Variants in TULP2 observed in about 807,000 individuals in gnomAD.
TULP2 encodes the protein TUB like protein 2.
Under a neutral mutation model 60.3 loss-of-function variants are expected in TULP2, and 64 were observed. The observed-to-expected ratio is 1.06, with a 90% CI of 0.87 to 1.31. The LOEUF (loss-of-function observed/expected upper bound fraction) is 1.31, where lower values mean the gene tolerates loss of function less well. Ranked by LOEUF, TULP2 falls within the 50% of genes most tolerant of loss-of-function variation. The pLI, the probability that TULP2 is intolerant of heterozygous loss-of-function variation, is 0.00. For synonymous variants in TULP2, 267 were observed against 265.4 expected, an observed-to-expected ratio of 1.01 and a Z score of -0.06; for missense variants, 652 against 667.0, an observed-to-expected ratio of 0.98 and a Z score of 0.25.
At chr19:48,881,664 G>A (rs1438819327) in intron 12 of TULP2, among the ~76,000 whole-genome samples, 4 of 151,976 alleles carry the variant, frequency 2.6e-5, no homozygotes, top group Admixed American at 6.6e-5. Flanking sequence ...TTACAGGTGT[G>A]AGCCACAGTG....
rs372786574 is a variant in TULP2, at chr19:48,888,194, T to G, written c.704A>C (p.Asn235Thr). 2 of 1,614,026 alleles carry G rather than the reference T, an allele frequency of 1.2e-6. No individual in the cohort carries two copies. The highest frequency in any genetic ancestry group is 2.7e-5 in the African/African-American group (2 of 74,922). ...TTTCAGGGCCTTGGACAACTCTTCG[T>G]TGTGTGCTGCTGAGGAGTTCGTCCC... Reference protein sequence around the residue: ...STGTNSSAAHNEELSKALKGE... With the variant: ...STGTNSSAAHTEELSKALKGE... The change falls in exon 8 of 13, where the codon AAC becomes ACC. Residue 235 changes from asparagine to threonine, a missense_variant. Transcript: ENST00000221399.
chr19:48,896,392 T>C, intron 4 of TULP2, 38 bp downstream of exon 4: 1 of 1,548,152 alleles, frequency 6.5e-7, no homozygotes, highest in Non-Finnish European at 8.7e-7. Context: ...CACAGGCCCC[T>C]CCCCTCCAGG....
At chr19:48,887,324 T>TTTTTTTTTTTTTTTTTTTTTTTTTG (rs2037189655) in intron 8 of TULP2, among the ~76,000 whole-genome samples, 1 of 98,282 alleles carries the variant, frequency 1.0e-5, no homozygotes, top group Non-Finnish European at 2.2e-5. Context: ...TTTTTTTTTT[T>TTTTTTTTTTTTTTTTTTTTTTTTTG]TTTTTTTTTT....
chr19:48,887,881 A>T, intron 8 of TULP2, 69 bp downstream of exon 8: 1 of 1,533,318 alleles, frequency 6.5e-7, no homozygotes, highest in South Asian at 1.2e-5. Flanking sequence ...GACCTAGCTC[A>T]GAAAGGAGTG....
At chr19:48,889,673 T>A (rs2037215294) in intron 6 of TULP2, 42 bp from the exon 7 acceptor site, 4 of 1,540,844 alleles carry the variant, frequency 2.6e-6, no homozygotes, top group Non-Finnish European at 3.5e-6. Flanking sequence ...TGTTACTGTG[T>A]CTGTGTAGAA....
At chr19:48,883,670 T>C (rs2037154165) in intron 11 of TULP2, 84 bp downstream of exon 11, 3 of 1,490,788 alleles carry the variant, frequency 2.0e-6, no homozygotes, top group African/African-American at 1.5e-5. Context: ...CTTCCTCCTC[T>C]TCTTCTTCCT....
rs571870966 is a variant in TULP2 at position 48,885,451 on chromosome 19, A to G, written c.1058T>C (p.Val353Ala). The G allele has an allele frequency of 5.6e-6, 9 of 1,613,564 alleles. No homozygotes were observed. Among genetic ancestry groups the G allele is most frequent in the Non-Finnish European group, 6.8e-6 (8 of 1,179,732 alleles). The change falls in exon 9 of 13, where the codon GTC (valine) becomes GCC (alanine). Residue 353 changes from valine (V) to alanine (A), a missense_variant. Transcript: ENST00000221399. ...CACATGTCAGAGCTCTACCCACCTG[A>G]CTTTGCCCACGAAATTGTCCCCGTC... is the stretch of plus-strand genomic sequence containing the variant. ...SRDGDNFVGKVRSNVFSTKFT... is the reference protein window; with the variant it reads ...SRDGDNFVGKARSNVFSTKFT...
rs1178346137 is a variant in TULP2, at chr19:48,897,922, C to G, written c.-1-53G>C. 9.3e-6 allele frequency: 14 copies of G among 1,513,460 alleles called. No homozygotes were observed. Among genetic ancestry groups the G allele is most frequent in the Admixed American group, 1.8e-5 (1 of 55,654 alleles). The allele number at this position is 1,513,460 out of a possible 1,614,324, so 93.8% of individuals were successfully genotyped here. On this transcript the variant is annotated intron_variant, in intron 1 of 12. Transcript: ENST00000221399. This position sits in a 1 kb window ranked among gnomAD's most constrained non-coding sequence, Gnocchi z 4.0. ...ATCAGAACCAACATCCCAATGGATCCTGCCCACCAGCACCTAATCTTTAGC... is the reference window on the plus strand; with the variant it reads ...ATCAGAACCAACATCCCAATGGATCGTGCCCACCAGCACCTAATCTTTAGC...
chr19:48,897,286 C>CTGTG lies in TULP2; in HGVS notation c.84+58_84+59insCACA, dbSNP rs2037291413. Reference sequence around the variant, plus strand: ...CCTAGAGCAAGACCTGGTGGAGAGGCCCCTGGGGAGGCACAGAAGGCGGAA... The same window carrying CTGTG: ...CCTAGAGCAAGACCTGGTGGAGAGGCTGTGCCCTGGGGAGGCACAGAAGGCGGAA... On this transcript the variant is annotated intron_variant, in intron 3 of 12. Coordinates refer to ENST00000221399, the MANE Select transcript of TULP2 (RefSeq NM_003323.3). This position sits in a 1 kb window ranked among gnomAD's most constrained non-coding sequence, Gnocchi z 4.0. 8 of 1,580,410 alleles carry CTGTG rather than the reference C, an allele frequency of 5.1e-6. No homozygotes were observed. The highest frequency in any genetic ancestry group is 6.9e-6 in the Non-Finnish European group (8 of 1,154,316).
At chr19:48,886,703 C>G (rs983860802) in intron 8 of TULP2, among the ~76,000 whole-genome samples, 1 of 151,800 alleles carries the variant, frequency 6.6e-6, no homozygotes, top group South Asian at 2.1e-4. Flanking sequence ...CAGGATTTAT[C>G]TCAGGATTGA....
rs761726274 is a variant in TULP2, at chr19:48,888,084, T to C, written c.814A>G (p.Met272Val). Residue 272 changes from methionine (M) to valine (V), a missense_variant, in exon 8 of 13, where the codon ATG (methionine) becomes GTG (valine). Met to Val is a conservative substitution (Grantham distance 21, BLOSUM62 1). Transcript: ENST00000221399. The part of the protein sequence containing the change: ...RSPCPGLEED[M>V]EAYVLRPALP... ...GCTGGCCGCAGCACGTAGGCTTCCA[T>C]GTCCTCCTCCAGCCCAGGGCAGGGG... 1.9e-6 allele frequency: 3 copies of C among 1,614,060 alleles called. No individual in the cohort carries two copies. The highest frequency in any genetic ancestry group is 3.3e-5 in the Admixed American group (2 of 59,996).
chr19:48,881,421 G>T (rs1599964199), intron 12 of TULP2, among the ~76,000 whole-genome samples: 1 of 122,720 alleles, frequency 8.1e-6, no homozygotes, highest in Non-Finnish European at 1.6e-5. Flanking sequence ...TCGCTCTGTT[G>T]CCCAGGCTGG....
intron 11 of TULP2, 28 bp downstream of exon 11, chr19:48,883,726 C>G (rs369256983): frequency 2.5e-4 from 409 of 1,612,364 alleles, no homozygotes; most frequent in Non-Finnish European, 3.3e-4. Context: ...CTCCATTGAC[C>G]CAGAGATTCC....
chr19:48,895,157 TG>T lies in TULP2; in HGVS notation c.354del (p.Phe118LeufsTer125). ...AAAGGGGACTGGAGACCGAGATTCC[TG>T]AACACTGAGGAAGGAAGGAGGGGAG... ...GLPTPRTEAV[F>X]RNLGLQSPFL... On this transcript the variant is annotated frameshift_variant, in exon 6 of 13. Transcript: ENST00000221399. LOFTEE classifies it high-confidence loss of function. The T allele has an allele frequency of 6.2e-7, 1 of 1,613,272 alleles. No individual in the cohort carries two copies. The highest frequency in any genetic ancestry group is 8.5e-7 in the Non-Finnish European group (1 of 1,179,716).
In TULP2 at chr19:48,895,489, A is replaced by T. The variant is rs1333601788; in HGVS notation, c.226T>A (p.Phe76Ile). ...GCCTCTGACACTTTCTTCCGGAGGA[A>T]AGGGTTCCCAAGGCCTGGGAGAAGG... is the stretch of plus-strand genomic sequence containing the variant. ...LLGDRGLGNPFLRKKVSEAHL... is the reference protein window; with the variant it reads ...LLGDRGLGNPILRKKVSEAHL... The change falls in exon 5 of 13, where the codon TTC (phenylalanine) becomes ATC (isoleucine). Residue 76 changes from phenylalanine to isoleucine, a missense_variant. Transcript: ENST00000221399. The T allele has an allele frequency of 1.9e-6, 3 of 1,607,258 alleles. No individual in the cohort carries two copies. Among genetic ancestry groups the T allele is most frequent in the African/African-American group, 1.3e-5 (1 of 74,804 alleles).
Position 48,883,787 on chromosome 19 carries a change from G to A in TULP2, c.1242C>T (p.Ser414=), listed in dbSNP as rs200730612. Residue 414 remains serine, a synonymous_variant, in exon 11 of 13, where the codon AGC becomes AGT. Transcript: ENST00000221399. ...KMTVILPGTN[S]QNQRINVQPL... is the part of the protein sequence containing the mutation. ...GCTGGACATTGATTCGCTGGTTCTG[G>A]CTGTTGGTTCCTGGGAGAATCACAG... 192 of 1,614,076 alleles carry A rather than the reference G, an allele frequency of 1.2e-4. 1 individual carries two copies. The Middle Eastern group carries it at 1.3e-3, about 11-fold the overall frequency.
intron 6 of TULP2, among the ~76,000 whole-genome samples, chr19:48,893,094 G>A (rs1475482440): frequency 6.6e-6 from 1 of 151,866 alleles, no homozygotes; most frequent in African/African-American, 2.4e-5. Flanking sequence ...AAGAGGCCAG[G>A]TGCATTAGCT....
In TULP2 at chr19:48,897,827, C is replaced by T; in HGVS notation, c.32+10G>A. On this transcript the variant is annotated intron_variant, in intron 2 of 12. Coordinates refer to ENST00000221399, the MANE Select transcript of TULP2 (RefSeq NM_003323.3). The surrounding 1 kb of genome is among the most constrained non-coding windows in gnomAD (Gnocchi z 4.0). Reference sequence around the variant, plus strand: ...CACCTCCACCCCTACCCATCTGTTTCCCTACTCACTCTCTCATCAATGTGT... The same window carrying T: ...CACCTCCACCCCTACCCATCTGTTTTCCTACTCACTCTCTCATCAATGTGT... The T allele has an allele frequency of 6.2e-7, 1 of 1,613,834 alleles. No individual in the cohort carries two copies. The highest frequency in any genetic ancestry group is 1.1e-5 in the South Asian group (1 of 91,048).
chr19:48,889,325 G>A lies in TULP2; in HGVS notation c.636+185C>T, dbSNP rs1014325922. Among the ~76,000 whole-genome samples the A allele has an allele frequency of 7.2e-5, 11 of 152,178 alleles. 1 individual carries two copies. The South Asian group carries it at 2.3e-3, about 32-fold the overall frequency. On this transcript the variant is annotated intron_variant, in intron 7 of 12. Coordinates refer to ENST00000221399, the MANE Select transcript of TULP2 (RefSeq NM_003323.3). ...GTCAAGTCAAATCCTCTGATTTGAT[G>A]AATGGTACACACACACACATGCACG... is the stretch of plus-strand genomic sequence containing the variant.
Sources: gnomAD v4.1 joint callset for allele counts (sites outside exome capture counted in the v4.1 genomes callset) on GRCh38, gnomAD v4.1.1 for gene constraint, Gnocchi (gnomAD v3.1) non-coding constraint, MANE v1.5 for transcripts, NCBI Gene and HGNC (gene_info 2026-07-23, HGNC 2026-07-21) for gene names.